The following CDH7 variants were observed in gnomAD, a reference collection of about 807,000 sequenced individuals.
The protein encoded by CDH7 is cadherin 7, also known as cadherin-7.
A neutral mutation model predicts 71.8 loss-of-function variants in CDH7; 25 were observed. The observed-to-expected ratio is 0.35, with a 90% CI of 0.25 to 0.49. The LOEUF is 0.49. Among genes scored for constraint, CDH7 ranks in the 20% least tolerant of loss-of-function variants. The pLI, the probability that CDH7 is intolerant of heterozygous loss-of-function variation, is 0.99. For missense variants in CDH7, 862 were observed against 974.6 expected (o/e 0.88, Z 1.54); for synonymous variants, 381 against 363.8 (o/e 1.05, Z -0.54).
At chr18:65,794,449 A>G (rs566901356) in intron 2 of CDH7, among the ~76,000 whole-genome samples, 6 of 152,226 alleles carry the variant, frequency 3.9e-5, no homozygotes, top group East Asian at 1.9e-4. Flanking sequence ...CTGTTAATCT[A>G]TGTGAGAAAT....
intron 7 of CDH7, among the ~76,000 whole-genome samples, chr18:65,847,997 G>T (rs1483573634): frequency 1.3e-5 from 2 of 152,018 alleles, no homozygotes; most frequent in Non-Finnish European, 2.9e-5. Context: ...AAGAAAAATG[G>T]GTAATTGAGG....
chr18:65,764,341 G>C (rs1385926644), intron 2 of CDH7, among the ~76,000 whole-genome samples: 2 of 152,006 alleles, frequency 1.3e-5, no homozygotes, highest in Non-Finnish European at 2.9e-5. Flanking sequence ...TTCTAGGGAT[G>C]TGAATTAGGA....
chr18:65,870,560 T>G (rs1171518291), intron 11 of CDH7, among the ~76,000 whole-genome samples: 2 of 152,134 alleles, frequency 1.3e-5, no homozygotes, highest in Admixed American at 6.5e-5. Flanking sequence ...CCTGCTTACC[T>G]CTCTAAGGTA....
At chr18:65,796,863 A>G (rs1483245008) in intron 2 of CDH7, among the ~76,000 whole-genome samples, 1 of 152,200 alleles carries the variant, frequency 6.6e-6, no homozygotes, top group African/African-American at 2.4e-5. Flanking sequence ...ATATACTTCT[A>G]TATTTGATAC....
intron 4 of CDH7, among the ~76,000 whole-genome samples, chr18:65,820,256 C>T (rs564433561): frequency 1.3e-4 from 19 of 150,610 alleles, no homozygotes; most frequent in Non-Finnish European, 2.4e-4. Flanking sequence ...GTGTCTTTTT[C>T]AAAGAGCCCA....
At chr18:65,847,555 T>G (rs2144001104) in intron 7 of CDH7, among the ~76,000 whole-genome samples, 2 of 152,298 alleles carry the variant, frequency 1.3e-5, no homozygotes, top group Middle Eastern at 6.8e-3. Context: ...ACATGATCCC[T>G]GCCTTGCACA....
chr18:65,771,479 AAAAAAT>A (rs1916540186), intron 2 of CDH7, among the ~76,000 whole-genome samples: 1 of 151,852 alleles, frequency 6.6e-6, no homozygotes, highest in Non-Finnish European at 1.5e-5. Flanking sequence ...ATCTCTACTA[AAAAAAT>A]AAAAATAAAA....
At chr18:65,859,579 G>A (rs746438704) in intron 9 of CDH7, 129 bp from the exon 10 acceptor site, 29 of 607,282 alleles carry the variant, frequency 4.8e-5, no homozygotes, top group Non-Finnish European at 7.1e-5. Flanking sequence ...ATAATACATC[G>A]GATCCTTTCT....
In CDH7 at chr18:65,881,062, G is replaced by A; in HGVS notation, c.*168G>A. On this transcript the variant is annotated 3_prime_UTR_variant, in exon 12 of 12. Transcript: ENST00000397968. ...TTTAATTGTTTAGATTTCTGCCTTGGTGAGGCATATCTTCATTAGACTTAT... is the reference window on the plus strand; with the variant it reads ...TTTAATTGTTTAGATTTCTGCCTTGATGAGGCATATCTTCATTAGACTTAT... The A allele has an allele frequency of 4.5e-6, 3 of 672,370 alleles. No individual in the cohort carries two copies. Among genetic ancestry groups the A allele is most frequent in the East Asian group, 5.7e-5 (2 of 34,986 alleles). The allele number at this position is 672,370 out of a possible 1,614,324, so 41.7% of individuals were successfully genotyped here. A position where few individuals can be genotyped will look rare whatever the true frequency, so the allele number is the denominator to read the frequency against.
intron 2 of CDH7, among the ~76,000 whole-genome samples, chr18:65,772,525 A>G (rs542888040): frequency 6.6e-6 from 1 of 152,290 alleles, no homozygotes; most frequent in African/African-American, 2.4e-5. Flanking sequence ...ATTTGATTTA[A>G]TTATACCTAA....
intron 2 of CDH7, among the ~76,000 whole-genome samples, chr18:65,777,521 T>A (rs1173518316): frequency 6.6e-6 from 1 of 151,964 alleles, no homozygotes; most frequent in Non-Finnish European, 1.5e-5. Flanking sequence ...TTATGTTTTA[T>A]CCATCCAAGC....
intron 11 of CDH7, chr18:65,863,307 G>C (rs1913645168): frequency 9.4e-6 from 2 of 213,896 alleles, no homozygotes; most frequent in Admixed American, 1.0e-4. Flanking sequence ...CAAAGTGCTG[G>C]GATTACAGGA....
At chr18:65,777,764 C>G (rs958654694) in intron 2 of CDH7, among the ~76,000 whole-genome samples, 2 of 152,046 alleles carry the variant, frequency 1.3e-5, no homozygotes, top group Non-Finnish European at 2.9e-5. Context: ...TTACAAGTGC[C>G]ACCTTTGTTG....
In CDH7 at chr18:65,888,822, T is replaced by G. The variant is rs1238087675; in HGVS notation, c.*7928T>G. The G allele has an allele frequency of 6.6e-6, 1 of 151,844 alleles. No homozygotes were observed. Among genetic ancestry groups the G allele is most frequent in the Non-Finnish European group, 1.5e-5 (1 of 67,956 alleles). 9.4% of individuals were successfully genotyped at this position (151,844 alleles called of 1,614,324 possible). On this transcript the variant is annotated 3_prime_UTR_variant, in exon 12 of 12. Transcript: ENST00000397968. Reference sequence around the variant, plus strand: ...AAGAAGAAGAAGAAGAAAAAAACATTGGGACATTTTGCCCTTTATCTTTTT... The same window carrying G: ...AAGAAGAAGAAGAAGAAAAAAACATGGGGACATTTTGCCCTTTATCTTTTT...
chr18:65,782,895 C>T (rs1448955641), intron 2 of CDH7, among the ~76,000 whole-genome samples: 1 of 152,110 alleles, frequency 6.6e-6, no homozygotes, highest in Non-Finnish European at 1.5e-5. Context: ...AGTGCTATAT[C>T]TGGGCGTCAT....
intron 2 of CDH7, among the ~76,000 whole-genome samples, chr18:65,807,025 A>T (rs189752673): frequency 5.3e-5 from 8 of 150,860 alleles, no homozygotes; most frequent in Admixed American, 1.3e-4. Flanking sequence ...AAGCCTAGTG[A>T]TGGTACCAGC....
At chr18:65,831,151 A>AT (rs1456326111) in intron 6 of CDH7, among the ~76,000 whole-genome samples, 1 of 152,156 alleles carries the variant, frequency 6.6e-6, no homozygotes, top group Non-Finnish European at 1.5e-5. Context: ...ATTTATTACA[A>AT]TTTTGTCAAA....
chr18:65,763,775 A>G (rs76584848), intron 2 of CDH7, among the ~76,000 whole-genome samples: 2,114 of 152,162 alleles, frequency 0.014, 66 homozygotes, highest in African/African-American at 0.048. Flanking sequence ...TTTGTTTTTC[A>G]CAGTTTCTTC....
chr18:65,805,501 G>T (rs1020249540), intron 2 of CDH7, among the ~76,000 whole-genome samples: 1 of 152,198 alleles, frequency 6.6e-6, no homozygotes, highest in Non-Finnish European at 1.5e-5. Context: ...TATTTGGTGA[G>T]CATGCTGAAA....
Sources: allele counts gnomAD v4.1 joint callset (sites outside exome capture counted in the v4.1 genomes callset), GRCh38; gene constraint gnomAD v4.1.1; transcripts MANE v1.5; gene names NCBI Gene and HGNC (gene_info 2026-07-23, HGNC 2026-07-21).